Variants in HSD17B10 observed in about 807,000 individuals in gnomAD.
HSD17B10 encodes the protein 3-hydroxyacyl-CoA dehydrogenase type-2.
For missense variants in HSD17B10, 87 were observed against 219.4 expected (o/e 0.40, Z 3.81); for synonymous variants, 90 against 85.9 (o/e 1.05, Z -0.26).
In HSD17B10 at chrX:53,431,376, G is replaced by A. The variant is rs1602426214; in HGVS notation, c.*28C>T. 1 of 1,172,731 alleles carries A rather than the reference G, an allele frequency of 8.5e-7. No homozygotes were observed. On this transcript the variant is annotated 3_prime_UTR_variant, in exon 6 of 6. Transcript: ENST00000168216. ...TACCCCAGGGAAAGGAAGGGCAGAG[G>A]AGCGTGTGTTTTCTCTGCCTTCTCC...
rs1343698835 is a variant in HSD17B10 at position 53,432,403 on chromosome X, A to G, written c.201T>C (p.Ser67=). 8.3e-7 allele frequency: 1 copy of G among 1,204,477 alleles called. No homozygotes were observed. Among genetic ancestry groups the G allele is most frequent in the Non-Finnish European group, 1.1e-6 (1 of 892,247 alleles). ...NCVFAPADVT[S]EKDVQTALAL... ...CCAGAGCTGTTTGCACATCCTTCTCAGAGGTCACCTTCAAAGAGAGAAGTG... is the reference window on the plus strand; with the variant it reads ...CCAGAGCTGTTTGCACATCCTTCTCGGAGGTCACCTTCAAAGAGAGAAGTG... Residue 67 remains serine (S), a synonymous_variant, in exon 3 of 6, where the codon TCT becomes TCC. Transcript: ENST00000168216.
Position 53,431,455 on chromosome X carries a change from G to T in HSD17B10, c.735C>A (p.Phe245Leu), listed in dbSNP as rs2075824547. The change falls in exon 6 of 6, where the codon TTC becomes TTA. Residue 245 changes from phenylalanine to leucine, a missense_variant. Transcript: ENST00000168216. Reference protein sequence around the residue: ...HLVQAIIENPFLNGEVIRLDG... With the variant: ...HLVQAIIENPLLNGEVIRLDG... ...CCAGCCGGATGACCTCTCCATTGAGGAATGGGTTCTCGATGATGGCCTGTA... is the reference window on the plus strand; with the variant it reads ...CCAGCCGGATGACCTCTCCATTGAGTAATGGGTTCTCGATGATGGCCTGTA... 8.3e-7 allele frequency: 1 copy of T among 1,208,586 alleles called. No homozygotes were observed. The highest frequency in any genetic ancestry group is 3.0e-5 in the East Asian group (1 of 33,740).
rs1343031576 is a variant in HSD17B10 at position 53,431,324 on chromosome X, T to C, written c.*80A>G. On this transcript the variant is annotated 3_prime_UTR_variant, in exon 6 of 6. Transcript: ENST00000168216. ...TGGTAGGCAGTTACAAAATGGCTAC[T>C]GGGCTTCCTCCCAAGCTGGAGAGTA... 2 of 963,220 alleles carry C rather than the reference T, an allele frequency of 2.1e-6. No individual in the cohort carries two copies. The highest frequency in any genetic ancestry group is 2.9e-6 in the Non-Finnish European group (2 of 679,017). 79.4% of individuals were successfully genotyped at this position (963,220 alleles called of 1,213,427 possible).
intron 3 of HSD17B10, 59 bp downstream of exon 3, chrX:53,432,188 T>A: frequency 8.3e-7 from 1 of 1,204,146 alleles, no homozygotes; most frequent in Non-Finnish European, 1.1e-6. Flanking sequence ...AACTTTGGGG[T>A]CCTCCACAGC....
In HSD17B10 at chrX:53,431,298, C is replaced by T. The variant is rs781816615; in HGVS notation, c.*106G>A. The stretch of plus-strand genomic sequence containing the variant: ...AGACTTTATTAGGCACAGAGGGCGA[C>T]TGGTAGGCAGTTACAAAATGGCTAC... On this transcript the variant is annotated 3_prime_UTR_variant, in exon 6 of 6. Transcript: ENST00000168216. 1,555 of 769,795 alleles carry T rather than the reference C, an allele frequency of 2.0e-3. 3 individuals are homozygous for T. The highest frequency in any genetic ancestry group is 0.017 in the Middle Eastern group (40 of 2,401). 63.4% of individuals were successfully genotyped at this position (769,795 alleles called of 1,213,427 possible). A position where few individuals can be genotyped will look rare whatever the true frequency, so the allele number is the denominator to read the frequency against.
At chrX:53,433,506 C>T (rs146366586) in intron 2 of HSD17B10, among the ~76,000 whole-genome samples, 2,036 of 112,559 alleles carry the variant, frequency 0.018, 47 homozygotes, top group African/African-American at 0.063. Flanking sequence ...GAGATTGTTA[C>T]GTCCAATCCC....
In HSD17B10 at chrX:53,433,824, A is replaced by C. The variant is rs782505983; in HGVS notation, c.90T>G (p.Leu30=). 4.1e-6 allele frequency: 5 copies of C among 1,210,309 alleles called. No individual in the cohort carries two copies. In the African/African-American group the frequency reaches 8.7e-5, roughly 21 times the overall value. ...SGLGLATAER[L]VGQGASAVLL... ...GCACAGCAGAGGCTCCCTGCCCCAC[A>C]AGTCGCTCCGCCGTGGCCAGGCCCA... The change falls in exon 2 of 6, where the codon CTT becomes CTG. Residue 30 remains leucine, a synonymous_variant. Coordinates refer to ENST00000168216, the MANE Select transcript of HSD17B10 (RefSeq NM_004493.3).
At chrX:53,434,084 C>G (rs2075835576) in intron 1 of HSD17B10, 198 bp from the exon 2 acceptor site, 1 of 562,161 alleles carries the variant, frequency 1.8e-6, no homozygotes. Context: ...CCCAGACAGC[C>G]CGTCCCGTGA....
At position 53,432,136 on chromosome X, in the gene HSD17B10, A is replaced by G. The variant is rs2075827300; in HGVS notation, c.358-20T>C. The G allele has an allele frequency of 8.3e-7, 1 of 1,209,558 alleles. No homozygotes were observed. Among genetic ancestry groups the G allele is most frequent in the East Asian group, 3.0e-5 (1 of 33,774 alleles). ...ATTCACCTGTAGGACAGATGGAGAC[A>G]TGCTATAGGACCTGAGGCAGAAGAA... is the stretch of plus-strand genomic sequence containing the variant. On this transcript the variant is annotated intron_variant, in intron 3 of 5. Coordinates refer to ENST00000168216, the MANE Select transcript of HSD17B10 (RefSeq NM_004493.3).
upstream of HSD17B10, chrX:53,434,376 T>TGGGGGC (rs2075837328): frequency 3.4e-6 from 4 of 1,165,571 alleles, no homozygotes; most frequent in Admixed American, 2.6e-5. Flanking sequence ...GGGATGGGGA[T>TGGGGGC]GGGGGCGCGG....
chrX:53,431,794 C>G lies in HSD17B10; in HGVS notation c.595+4G>C. The G allele has an allele frequency of 8.4e-7, 1 of 1,195,525 alleles. No homozygotes were observed. The highest frequency in any genetic ancestry group is 1.1e-6 in the Non-Finnish European group (1 of 881,436). ...GGTATGATGGAGAGAGGGGATATGT[C>G]TACCTGGGGCAATGGTCATCACCCG... On this transcript the variant is annotated splice_donor_region_variant and intron_variant, in intron 5 of 5. Coordinates refer to ENST00000168216, the MANE Select transcript of HSD17B10 (RefSeq NM_004493.3).
chrX:53,432,601 G>A (rs1208284516), intron 2 of HSD17B10, 190 bp from the exon 3 acceptor site: 2 of 466,305 alleles, frequency 4.3e-6, no homozygotes, highest in African/African-American at 4.8e-5. Context: ...TGTAATCTCA[G>A]CACTTTGGGA....
intron 1 of HSD17B10, 72 bp from the exon 2 acceptor site, chrX:53,433,958 T>G (rs1556894970): frequency 2.8e-6 from 3 of 1,086,499 alleles, no homozygotes; most frequent in Non-Finnish European, 3.8e-6. Flanking sequence ...GCCTGCCTGT[T>G]CTCCAGGCTT....
intron 5 of HSD17B10, 79 bp downstream of exon 5, chrX:53,431,719 G>A (rs2075825656): frequency 2.9e-6 from 3 of 1,017,152 alleles, no homozygotes; most frequent in Admixed American, 4.9e-5. Flanking sequence ...TGCTGCTTAG[G>A]TGGTGGATAC....
chrX:53,432,678 C>G (rs782421099), intron 2 of HSD17B10: 4 of 352,293 alleles, frequency 1.1e-5, no homozygotes, highest in Non-Finnish European at 2.0e-5. Context: ...GGTGAAAACC[C>G]GTCTCTACTA....
chrX:53,432,235 C>T lies in HSD17B10; in HGVS notation c.357+12G>A. ...TACTACCACTATCCCTGGAGAACTT[C>T]CAAGGCCTTACATCAAGAACTCGCT... On this transcript the variant is annotated intron_variant, in intron 3 of 5. Coordinates refer to ENST00000168216, the MANE Select transcript of HSD17B10 (RefSeq NM_004493.3). 2.5e-6 allele frequency: 3 copies of T among 1,209,250 alleles called. No individual in the cohort carries two copies. Among genetic ancestry groups the T allele is most frequent in the Non-Finnish European group, 2.2e-6 (2 of 893,843 alleles).
Position 53,431,356 on chromosome X carries a change from C to G in HSD17B10, c.*48G>C, listed in dbSNP as rs1556894472. On this transcript the variant is annotated 3_prime_UTR_variant, in exon 6 of 6. Coordinates refer to ENST00000168216, the MANE Select transcript of HSD17B10 (RefSeq NM_004493.3). ...CCTCCCAAGCTGGAGAGTAGTACCC[C>G]AGGGAAAGGAAGGGCAGAGGAGCGT... 2 of 1,128,122 alleles carry G rather than the reference C, an allele frequency of 1.8e-6. No individual in the cohort carries two copies. Among genetic ancestry groups the G allele is most frequent in the African/African-American group, 3.6e-5 (2 of 55,502 alleles). 93.0% of individuals were successfully genotyped at this position (1,128,122 alleles called of 1,213,427 possible).
Position 53,434,355 on chromosome X carries a change from G to C in HSD17B10, c.-10C>G, listed in dbSNP as rs782653444. 1 of 1,168,002 alleles carries C rather than the reference G, an allele frequency of 8.6e-7. No homozygotes were observed. Among genetic ancestry groups the C allele is most frequent in the Admixed American group, 2.6e-5 (1 of 38,859 alleles). On this transcript the variant is annotated 5_prime_UTR_variant, in exon 1 of 6. Coordinates refer to ENST00000168216, the MANE Select transcript of HSD17B10 (RefSeq NM_004493.3). ...GACACGCTGCTGCCATCTTGTCGCC[G>C]GCCACTCCACGGGATGGGGATGGGG...
rs201378370 is a variant in HSD17B10 at position 53,432,321 on chromosome X, C to T, written c.283G>A (p.Ala95Thr). The change falls in exon 3 of 6, where the codon GCG (alanine) becomes ACG (threonine). Residue 95 changes from alanine to threonine, a missense_variant. Ala to Thr is a moderately conservative substitution (Grantham distance 58, BLOSUM62 0). Transcript: ENST00000168216. Reference protein sequence around the residue: ...VDVAVNCAGIAVASKTYNLKK... With the variant: ...VDVAVNCAGITVASKTYNLKK... Reference sequence around the variant, plus strand: ...AAGTTGTACGTCTTGCTAGCCACCGCGATGCCTGCACAGTTGACAGCTACA... The same window carrying T: ...AAGTTGTACGTCTTGCTAGCCACCGTGATGCCTGCACAGTTGACAGCTACA... 8.6e-4 allele frequency: 1,043 copies of T among 1,208,854 alleles called. 8 individuals are homozygous for T. The highest frequency in any genetic ancestry group is 1.3e-4 in the Admixed American group (6 of 45,721).
Sources: gnomAD v4.1 joint callset for allele counts (sites outside exome capture counted in the v4.1 genomes callset) on GRCh38, gnomAD v4.1.1 for gene constraint, MANE v1.5 for transcripts, NCBI Gene and HGNC (gene_info 2026-07-23, HGNC 2026-07-21) for gene names.